DAB1: variants seen among roughly 807,000 people sequenced by gnomAD.
DAB1 encodes the protein disabled homolog 1.
DAB1 carries 15 observed loss-of-function variants against 64.6 expected under a neutral mutation model. The observed-to-expected ratio is 0.23, with a 90% confidence interval of 0.16 to 0.36. The LOEUF (loss-of-function observed/expected upper bound fraction) is 0.36. Among genes scored for constraint, DAB1 ranks in the 10% least tolerant of loss-of-function variants. The pLI, the probability that DAB1 is intolerant of heterozygous loss-of-function variation, is 1.00. For missense variants in DAB1, 596 were observed against 706.7 expected (o/e 0.84, Z 1.78); for synonymous variants, 235 against 251.9 (o/e 0.93, Z 0.64).
At chr1:58,518,599 T>C (rs1646210279) in intron 2 of DAB1, among the ~76,000 whole-genome samples, 1 of 151,556 alleles carries the variant, frequency 6.6e-6, no homozygotes, top group African/African-American at 2.4e-5. Flanking sequence ...GTGAAAAAAT[T>C]AAGAGTAAAT....
At chr1:57,503,735 T>C (rs1297460715) in intron 7 of DAB1, among the ~76,000 whole-genome samples, 1 of 152,254 alleles carries the variant, frequency 6.6e-6, no homozygotes, top group Non-Finnish European at 1.5e-5. Flanking sequence ...GAAACACTAC[T>C]GTACACATTT....
chr1:57,430,703 T>C (rs1015074745), intron 7 of DAB1, among the ~76,000 whole-genome samples: 2 of 152,148 alleles, frequency 1.3e-5, no homozygotes, highest in Non-Finnish European at 2.9e-5. Flanking sequence ...CCAAGCTTAA[T>C]AGAGATGTAA....
intron 4 of DAB1, among the ~76,000 whole-genome samples, chr1:58,202,480 T>A (rs538084684): frequency 6.6e-6 from 1 of 152,326 alleles, no homozygotes; most frequent in Admixed American, 6.5e-5. Flanking sequence ...CTCCTCCTCT[T>A]GAAGCTGAGC....
At chr1:58,128,154 CT>C (rs1417877838) in intron 5 of DAB1, among the ~76,000 whole-genome samples, 1 of 152,066 alleles carries the variant, frequency 6.6e-6, no homozygotes, top group East Asian at 1.9e-4. Context: ...GTTTGCAGTT[CT>C]CCTTGAAGAG....
intron 5 of DAB1, among the ~76,000 whole-genome samples, chr1:58,143,758 G>C (rs985414445): frequency 6.6e-6 from 1 of 152,166 alleles, no homozygotes; most frequent in South Asian, 2.1e-4. Flanking sequence ...GCATGGCAAA[G>C]GGTTTCACTT....
intron 5 of DAB1, among the ~76,000 whole-genome samples, chr1:58,028,743 G>GAGT (rs1646930957): frequency 6.6e-6 from 1 of 152,168 alleles, no homozygotes; most frequent in Non-Finnish European, 1.5e-5. Context: ...AAATTTTAGT[G>GAGT]AGTAGTCAAA....
chr1:57,901,471 C>T (rs889267065), intron 5 of DAB1, among the ~76,000 whole-genome samples: 4 of 152,064 alleles, frequency 2.6e-5, no homozygotes, highest in African/African-American at 9.7e-5. Context: ...CTCCAACTCT[C>T]ACAATTACAA....
At chr1:58,482,215 G>A (rs957024378) in intron 3 of DAB1, among the ~76,000 whole-genome samples, 2 of 152,108 alleles carry the variant, frequency 1.3e-5, no homozygotes, top group South Asian at 4.2e-4. Context: ...GGAAAGAGAG[G>A]GCTTACGTCT....
At chr1:57,173,134 G>A (rs1262085208) in intron 2 of DAB1, among the ~76,000 whole-genome samples, 2 of 152,074 alleles carry the variant, frequency 1.3e-5, no homozygotes, top group Admixed American at 6.6e-5. Flanking sequence ...CCACACCCTG[G>A]GTACCAGCTA....
At position 57,015,170 on chromosome 1, in the gene DAB1, G is replaced by T. The variant is rs1246699178; in HGVS notation, c.1157C>A (p.Pro386His). Residue 386 changes from proline to histidine, a missense_variant, in exon 12 of 15, where the codon CCC becomes CAC. Pro to His is a moderately conservative substitution (Grantham distance 77, BLOSUM62 -2). Around this residue, in one of 3 missense-constraint regions of DAB1, gnomAD observed 377 missense variants for 400.4 expected, o/e 0.94. Coordinates refer to ENST00000371236, the MANE Select transcript of DAB1 (RefSeq NM_001365792.1). Reference sequence around the variant, plus strand: ...ACTCGTGCCTGGGACGGTGGCAAGGGGGGTGAGGGGACCTTGGAACATGGC... The same window carrying T: ...ACTCGTGCCTGGGACGGTGGCAAGGTGGGTGAGGGGACCTTGGAACATGGC... ...PAAMFQGPLT[P>H]LATVPGTSDS... 1.2e-6 allele frequency: 2 copies of T among 1,614,138 alleles called. No individual in the cohort carries two copies. The highest frequency in any genetic ancestry group is 1.7e-6 in the Non-Finnish European group (2 of 1,180,006).
At chr1:57,833,065 GA>G (rs3082004) in intron 1 of DAB1, among the ~76,000 whole-genome samples, 92,641 of 144,816 alleles carry the variant, frequency 0.64, 30,098 homozygotes, top group African/African-American at 0.79. Flanking sequence ...GACTGAGACT[GA>G]AAAAAAAAAA....
intron 6 of DAB1, among the ~76,000 whole-genome samples, chr1:57,723,979 C>A (rs1647179173): frequency 6.6e-6 from 1 of 152,070 alleles, no homozygotes; most frequent in Non-Finnish European, 1.5e-5. Flanking sequence ...TTCTTTCTGC[C>A]TGTTTTTCTG....
At chr1:58,373,126 T>C (rs996987994) in intron 3 of DAB1, among the ~76,000 whole-genome samples, 1 of 151,988 alleles carries the variant, frequency 6.6e-6, no homozygotes, top group African/African-American at 2.4e-5. Flanking sequence ...ATTAATAAAG[T>C]TTACTAATAC....
chr1:57,859,617 C>T (rs1301399285), intron 1 of DAB1, among the ~76,000 whole-genome samples: 1 of 152,228 alleles, frequency 6.6e-6, no homozygotes, highest in African/African-American at 2.4e-5. Flanking sequence ...GTCTAATTCT[C>T]ATTCATCCTT....
chr1:58,531,304 C>T (rs2100475245), intron 1 of DAB1, among the ~76,000 whole-genome samples: 1 of 152,204 alleles, frequency 6.6e-6, no homozygotes, highest in Non-Finnish European at 1.5e-5. Context: ...ATCTTCAAGA[C>T]CTAATATATG....
chr1:57,291,926 C>G (rs2656093), intron 1 of DAB1, among the ~76,000 whole-genome samples: 60,155 of 151,838 alleles, frequency 0.4, 12,332 homozygotes, highest in Admixed American at 0.56. Context: ...ATGCCCTTAG[C>G]TACTGCTTCA....
At chr1:57,656,223 A>G (rs151039322) in intron 6 of DAB1, among the ~76,000 whole-genome samples, 16 of 152,232 alleles carry the variant, frequency 1.1e-4, no homozygotes, top group African/African-American at 3.6e-4. Context: ...CAGAACTGTG[A>G]GAGGTAAGTG....
chr1:58,418,002 C>T (rs1644737984), intron 3 of DAB1, among the ~76,000 whole-genome samples: 1 of 152,158 alleles, frequency 6.6e-6, no homozygotes, highest in Non-Finnish European at 1.5e-5. Context: ...TAGGTGATCC[C>T]TTCACTCTAT....
rs140458459 is a variant in DAB1 at position 58,167,860 on chromosome 1, C to CACATCTGA, written n.310-17280_310-17273dup. ...CCCGCCAGAAGGAAGAAACTCCAGA[C>CACATCTGA]ACATCTGAACATCTGAAGGAACAAA... is the stretch of plus-strand genomic sequence containing the variant. On this transcript the variant is annotated intron_variant and non_coding_transcript_variant, in intron 4 of 20. Transcript: ENST00000485760. Among the ~76,000 whole-genome samples, 1,457 of 152,264 alleles carry CACATCTGA rather than the reference C, an allele frequency of 9.6e-3. 19 individuals are homozygous for CACATCTGA. Among genetic ancestry groups the CACATCTGA allele is most frequent in the African/African-American group, 0.034 (1,403 of 41,542 alleles).
Sources: allele counts gnomAD v4.1 joint callset (sites outside exome capture counted in the v4.1 genomes callset), GRCh38; gene constraint gnomAD v4.1.1; regional missense constraint gnomAD v4.1.1; transcripts MANE v1.5; gene names NCBI Gene and HGNC (gene_info 2026-07-23, HGNC 2026-07-21).